CCDC144A: variants seen among roughly 807,000 people sequenced by gnomAD.
CCDC144A encodes the protein coiled-coil domain containing 144A.
CCDC144A carries 41 observed loss-of-function variants against 143.8 expected under a neutral mutation model. The observed-to-expected ratio is 0.29, with a 90% CI of 0.22 to 0.37. CCDC144A has a LOEUF of 0.37. Among genes scored for constraint, CCDC144A ranks in the 10% least tolerant of loss-of-function variants. The pLI is 1.00. For synonymous variants in CCDC144A, 242 were observed against 517.9 expected (o/e 0.47, Z 7.23); for missense variants, 637 against 1,488.8 (o/e 0.43, Z 9.41).
chr17:16,667,358 T>G, the CCDC144A span, among the ~76,000 whole-genome samples: 1 of 132,352 alleles, frequency 7.6e-6, no homozygotes, highest in African/African-American at 3.0e-5. Context: ...GCTGAGGGGC[T>G]GAGGCGGCTG....
At chr17:16,751,369 A>G (rs1212863013) in intron 12 of CCDC144A, among the ~76,000 whole-genome samples, 2 of 151,900 alleles carry the variant, frequency 1.3e-5, no homozygotes, top group African/African-American at 2.4e-5. Context: ...AAGGTATATA[A>G]TGATTTTTGT....
chr17:16,683,697 C>T, the CCDC144A span: 1 of 1,597,572 alleles, frequency 6.3e-7, no homozygotes. Flanking sequence ...TCAACATGGA[C>T]AAGAATCGGA....
chr17:16,729,991 T>TATATATATATATATATACATACACACAC (rs1491438660), intron 9 of CCDC144A, among the ~76,000 whole-genome samples: 1 of 114,886 alleles, frequency 8.7e-6, no homozygotes, highest in Non-Finnish European at 1.9e-5. Context: ...TATATATATA[T>TATATATATATATATATACATACACACAC]ACACACATAC....
chr17:16,751,497 A>G (rs1180112498), intron 12 of CCDC144A, among the ~76,000 whole-genome samples: 1 of 152,156 alleles, frequency 6.6e-6, no homozygotes, highest in Non-Finnish European at 1.5e-5. Context: ...GAAAAGTAGG[A>G]TTGTGAAGGC....
At chr17:16,721,731 T>A (rs892296837) in intron 8 of CCDC144A, among the ~76,000 whole-genome samples, 32 of 150,776 alleles carry the variant, frequency 2.1e-4, no homozygotes, top group Non-Finnish European at 4.0e-4. Flanking sequence ...AAATGGTCTC[T>A]GTCACAGCCA....
chr17:16,751,735 G>C (rs1325729858), intron 12 of CCDC144A, among the ~76,000 whole-genome samples: 1 of 152,232 alleles, frequency 6.6e-6, no homozygotes, highest in African/African-American at 2.4e-5. Context: ...TCTGCGGGTC[G>C]TCTGTTGATA....
intron 2 of CCDC144A, among the ~76,000 whole-genome samples, chr17:16,702,351 G>A (rs1008701857): frequency 6.6e-6 from 1 of 152,182 alleles, no homozygotes; most frequent in African/African-American, 2.4e-5. Context: ...GTCCATAGGA[G>A]GTAAAATGGG....
chr17:16,777,200 C>T lies in CCDC144A; in HGVS notation c.*3567C>T, dbSNP rs1916029404. On this transcript the variant is annotated 3_prime_UTR_variant, in exon 17 of 17. Transcript: ENST00000399273. ...TATATGCACCTAATACTGGAGATCC[C>T]AAATTTATAAAACAATTACTACTAG... is the stretch of plus-strand genomic sequence containing the variant. 1 of 134,090 alleles carries T rather than the reference C, an allele frequency of 7.5e-6. No homozygotes were observed. The highest frequency in any genetic ancestry group is 1.6e-5 in the Non-Finnish European group (1 of 63,714). The allele number at this position is 134,090 out of a possible 1,614,324, so 8.3% of individuals were successfully genotyped here.
At position 16,773,388 on chromosome 17, in the gene CCDC144A, C is replaced by CAGT. The variant is rs901322029; in HGVS notation, c.4142-108_4142-106dup. ...GCTTAAGCCTGGGAGGACAAGACTG[C>CAGT]AGTGACCTGTGATCACACCATGGCA... is the stretch of plus-strand genomic sequence containing the variant. On this transcript the variant is annotated intron_variant, in intron 16 of 16. Transcript: ENST00000399273. The CAGT allele has an allele frequency of 2.1e-6, 3 of 1,405,480 alleles. No individual in the cohort carries two copies. The African/African-American group carries it at 4.4e-5, about 21-fold the overall frequency. 87.1% of individuals were successfully genotyped at this position (1,405,480 alleles called of 1,614,324 possible). A position where few individuals can be genotyped will look rare whatever the true frequency, so the allele number is the denominator to read the frequency against.
In CCDC144A at chr17:16,698,096, CTTG is replaced by C. The variant is rs201377146; in HGVS notation, c.415+5048_415+5050del. Among the ~76,000 whole-genome samples the C allele has an allele frequency of 9.3e-3, 1,419 of 151,954 alleles. 25 individuals carry two copies. The highest frequency in any genetic ancestry group is 0.033 in the African/African-American group (1,368 of 41,406). On this transcript the variant is annotated intron_variant, in intron 2 of 16. Coordinates refer to ENST00000399273, the MANE Select transcript of CCDC144A (RefSeq NM_001382000.1). The stretch of plus-strand genomic sequence containing the variant: ...GGAACTCTGAGGTTGGAGTTGCAGA[CTTG>C]GAATAACTGAGGCAAAGTTGTAGAT...
At position 16,764,003 on chromosome 17, in the gene CCDC144A, C is replaced by T. The variant is rs1915490345; in HGVS notation, c.3926C>T (p.Thr1309Ile). ...ATAGCAGAGGTCAGTACGCAACTTA[C>T]TGTGGAGAAAGAGCAGACCAGATCC... ...EMIAEVSTQL[T>I]VEKEQTRSRS... is the part of the protein sequence containing the mutation. Residue 1309 changes from threonine (T) to isoleucine (I), a missense_variant, in exon 15 of 17, where the codon ACT becomes ATT. Physicochemically the swap from Thr to Ile is moderately conservative, Grantham distance 89 (BLOSUM62 -1). Coordinates refer to ENST00000399273, the MANE Select transcript of CCDC144A (RefSeq NM_001382000.1). 1 of 1,613,056 alleles carries T rather than the reference C, an allele frequency of 6.2e-7. No homozygotes were observed. The highest frequency in any genetic ancestry group is 8.5e-7 in the Non-Finnish European group (1 of 1,179,600).
the CCDC144A span, among the ~76,000 whole-genome samples, chr17:16,678,755 T>TG: frequency 1.4e-5 from 2 of 145,814 alleles, no homozygotes; most frequent in Non-Finnish European, 3.0e-5. Flanking sequence ...TAATTTGTTT[T>TG]TTTTTTTTTT....
intron 6 of CCDC144A, 85 bp downstream of exon 6, chr17:16,711,900 G>C (rs1223755251): frequency 6.7e-7 from 1 of 1,497,578 alleles, no homozygotes; most frequent in Non-Finnish European, 9.0e-7. Context: ...GGAGGCCAAG[G>C]CGGGTGAATC....
intron 2 of CCDC144A, among the ~76,000 whole-genome samples, chr17:16,696,855 T>A (rs1209869915): frequency 6.6e-6 from 1 of 151,654 alleles, no homozygotes; most frequent in East Asian, 1.9e-4. Flanking sequence ...TAGCAACAGC[T>A]CCAAACATCA....
rs564858626 is a variant in CCDC144A at position 16,758,376 on chromosome 17, C to T, written c.3373-3049C>T. 2.0e-5 allele frequency among the ~76,000 whole-genome samples: 3 copies of T among 152,374 alleles called. No individual in the cohort carries two copies. The East Asian group carries it at 5.8e-4, about 29-fold the overall frequency. ...AAGTGCAAGATCCTACCATCTTTAT[C>T]ACAGACGGTAGGGATGCACCCTGGG... On this transcript the variant is annotated intron_variant, in intron 12 of 16. Transcript: ENST00000399273.
chr17:16,710,600 TTA>T (rs997346500), intron 5 of CCDC144A, among the ~76,000 whole-genome samples: 1 of 152,040 alleles, frequency 6.6e-6, no homozygotes, highest in African/African-American at 2.4e-5. Context: ...AATCAGACCT[TTA>T]TGTTATGTTG....
chr17:16,709,729 A>T, intron 5 of CCDC144A, 94 bp downstream of exon 5: 1 of 1,467,366 alleles, frequency 6.8e-7, no homozygotes, highest in South Asian at 1.4e-5. Flanking sequence ...AAAAGCATAC[A>T]GTTTGGTTGT....
chr17:16,730,801 A>G (rs985206793), intron 9 of CCDC144A, among the ~76,000 whole-genome samples: 18 of 142,258 alleles, frequency 1.3e-4, no homozygotes, highest in Non-Finnish European at 2.2e-4. Flanking sequence ...CACATTGGTC[A>G]TTCTTGATGT....
intron 15 of CCDC144A, among the ~76,000 whole-genome samples, chr17:16,768,630 G>C (rs1915703899): frequency 6.6e-6 from 1 of 152,148 alleles, no homozygotes; most frequent in African/African-American, 2.4e-5. Context: ...GGGATCCTTT[G>C]TCCTATATAT....
Sources: allele counts gnomAD v4.1 joint callset (sites outside exome capture counted in the v4.1 genomes callset), GRCh38; gene constraint gnomAD v4.1.1; transcripts MANE v1.5; gene names NCBI Gene and HGNC (gene_info 2026-07-23, HGNC 2026-07-21).